Variants in RBFOX1 observed in about 807,000 individuals in gnomAD.
The protein encoded by RBFOX1 is RNA binding fox-1 homolog 1.
Under a neutral mutation model 57.7 loss-of-function variants are expected in RBFOX1, and 8 were observed. The ratio of observed to expected loss-of-function variants is 0.14; its 90% CI spans 0.08 to 0.25. RBFOX1 has a LOEUF of 0.25. RBFOX1 is among the 10% of genes least tolerant of loss of function. RBFOX1 has a pLI of 1.00. For missense variants in RBFOX1, 611 were observed against 548.5 expected (o/e 1.11, Z -1.14); for synonymous variants, 326 against 222.4 (o/e 1.47, Z -4.15).
chr16:7,417,944 C>G (rs572999380), intron 4 of RBFOX1, among the ~76,000 whole-genome samples: 48 of 152,204 alleles, frequency 3.2e-4, no homozygotes, highest in Admixed American at 4.6e-4. Flanking sequence ...CCTGTTGGCC[C>G]TAGTATGCAG....
rs1009245302 is a variant in RBFOX1, at chr16:5,592,079, T to C, written c.259-6823T>C. On this transcript the variant is annotated intron_variant, in intron 2 of 2. Coordinates refer to the RBFOX1 transcript ENST00000585867. ...ATTTCTTTTATTATGGTTGAAGTTT[T>C]AATTACAAGGATTATGGGGATTTCT... 3.3e-5 allele frequency among the ~76,000 whole-genome samples: 5 copies of C among 152,250 alleles called. No homozygotes were observed. The East Asian group carries it at 9.6e-4, about 29-fold the overall frequency.
chr16:6,191,129 GTTT>G (rs5815289), intron 1 of RBFOX1, among the ~76,000 whole-genome samples: 2 of 133,936 alleles, frequency 1.5e-5, no homozygotes, highest in Admixed American at 1.5e-4. Context: ...TGCGTCTGTG[GTTT>G]TTTTTTTTTT....
intron 2 of RBFOX1, among the ~76,000 whole-genome samples, chr16:6,605,486 C>A (rs1045925754): frequency 6.6e-6 from 1 of 152,096 alleles, no homozygotes; most frequent in Non-Finnish European, 1.5e-5. Flanking sequence ...GCAGTCTTAA[C>A]CCCCAAAGAG....
rs201246038 is a variant in RBFOX1, at chr16:5,657,701, T to C, written c.318+58740T>C. On this transcript the variant is annotated intron_variant, in intron 3 of 19. Transcript: ENST00000641259. Reference sequence around the variant, plus strand: ...TTTTCTTTCTTTCTTTCTTTCTCCTTCTGTCTTTCTCTCTTTCTTTTGTTT... The same window carrying C: ...TTTTCTTTCTTTCTTTCTTTCTCCTCCTGTCTTTCTCTCTTTCTTTTGTTT... Among the ~76,000 whole-genome samples the C allele has an allele frequency of 1.9e-3, 234 of 126,032 alleles. 2 individuals are homozygous for C. The highest frequency in any genetic ancestry group is 7.7e-3 in the African/African-American group (226 of 29,418). The allele number at this position is 126,032 out of a possible 152,430, so 82.7% of individuals were successfully genotyped here.
At chr16:6,448,152 C>CTTTTTTTTT (rs200249081) in intron 2 of RBFOX1, among the ~76,000 whole-genome samples, 3 of 92,580 alleles carry the variant, frequency 3.2e-5, no homozygotes, top group East Asian at 3.3e-4. Context: ...CTTTTCTTTT[C>CTTTTTTTTT]TTTCTTTTTT....
intron 4 of RBFOX1, among the ~76,000 whole-genome samples, chr16:7,359,207 G>C (rs1431081949): frequency 1.3e-5 from 2 of 152,140 alleles, no homozygotes; most frequent in Non-Finnish European, 2.9e-5. Flanking sequence ...CTGAGCCTTG[G>C]TTTCTAATCC....
intron 3 of RBFOX1, among the ~76,000 whole-genome samples, chr16:5,696,639 T>C (rs1170216311): frequency 3.3e-5 from 5 of 152,164 alleles, no homozygotes; most frequent in Non-Finnish European, 7.4e-5. Context: ...TAAAGATCAG[T>C]GTATTAAAAT....
At chr16:5,387,934 C>G (rs1163015780) in intron 1 of RBFOX1, among the ~76,000 whole-genome samples, 1 of 152,150 alleles carries the variant, frequency 6.6e-6, no homozygotes, top group Non-Finnish European at 1.5e-5. Flanking sequence ...GGGAGAGAAA[C>G]TCCGTGGTCT....
intron 3 of RBFOX1, among the ~76,000 whole-genome samples, chr16:6,676,386 G>C (rs1386097602): frequency 2.0e-5 from 3 of 152,112 alleles, no homozygotes; most frequent in African/African-American, 2.4e-5. Flanking sequence ...GCCTGCCCCA[G>C]TTGGGTCCTA....
In RBFOX1 at chr16:7,375,915, C is replaced by A. The variant is rs572274134; in HGVS notation, c.28-142232C>A. On this transcript the variant is annotated intron_variant, in intron 4 of 15. Coordinates refer to ENST00000550418, the MANE Select transcript of RBFOX1 (RefSeq NM_018723.4). ...CAAAGGGAAGACCTTGTGCCCACGT[C>A]CTGCCTTAAATGCGAAGTAAAGGGG... Among the ~76,000 whole-genome samples, 10 of 152,244 alleles carry A rather than the reference C, an allele frequency of 6.6e-5. No homozygotes were observed. In the South Asian group the frequency reaches 2.1e-3, roughly 32 times the overall value.
chr16:6,645,098 T>C (rs918474998), intron 2 of RBFOX1, among the ~76,000 whole-genome samples: 1 of 152,184 alleles, frequency 6.6e-6, no homozygotes, highest in African/African-American at 2.4e-5. Flanking sequence ...TCTGGTAGCT[T>C]AGTGTCACAT....
rs1567747539 is a variant in RBFOX1, at chr16:6,892,775, C to CTCTCTCT, written c.-15-159282_-15-159281insTCTCTCT. 1.5e-3 allele frequency among the ~76,000 whole-genome samples: 128 copies of CTCTCTCT among 84,726 alleles called. 14 individuals are homozygous for CTCTCTCT. Among genetic ancestry groups the CTCTCTCT allele is most frequent in the African/African-American group, 4.9e-3 (97 of 19,644 alleles). The allele number at this position is 84,726 out of a possible 152,430, so 55.6% of individuals were successfully genotyped here. A position where few individuals can be genotyped will look rare whatever the true frequency, so the allele number is the denominator to read the frequency against. ...CATATTCTCAAAGCCTCCCTGTCTCCCTCTCTCTCTCTCTCTCTCTCTCTC... is the reference window on the plus strand; with the variant it reads ...CATATTCTCAAAGCCTCCCTGTCTCCTCTCTCTCTCTCTCTCTCTCTCTCTCTCTCTC... On this transcript the variant is annotated intron_variant, in intron 3 of 15. Coordinates refer to ENST00000550418, the MANE Select transcript of RBFOX1 (RefSeq NM_018723.4).
chr16:5,953,176 A>G (rs1307800846), intron 4 of RBFOX1, among the ~76,000 whole-genome samples: 1 of 152,180 alleles, frequency 6.6e-6, no homozygotes, highest in Non-Finnish European at 1.5e-5. Flanking sequence ...TATTCAGTTA[A>G]GACCAAGTGC....
At chr16:6,317,298 TA>T (rs1264974724) in intron 2 of RBFOX1, among the ~76,000 whole-genome samples, 8 of 152,184 alleles carry the variant, frequency 5.3e-5, no homozygotes, top group African/African-American at 1.9e-4. Flanking sequence ...ATCAATGAGT[TA>T]ACTGCGCCTT....
intron 5 of RBFOX1, among the ~76,000 whole-genome samples, chr16:7,545,529 G>A (rs184622587): frequency 1.1e-3 from 173 of 152,196 alleles, no homozygotes; most frequent in African/African-American, 4.1e-3. Flanking sequence ...GTTAATAGGC[G>A]CCAGACAGGA....
At chr16:5,353,800 T>C (rs938500018) in intron 1 of RBFOX1, among the ~76,000 whole-genome samples, 1 of 151,558 alleles carries the variant, frequency 6.6e-6, no homozygotes, top group African/African-American at 2.4e-5. Context: ...GGGGCTACTG[T>C]GCGCTTGCTC....
intron 2 of RBFOX1, among the ~76,000 whole-genome samples, chr16:5,486,070 T>A (rs551204135): frequency 1.3e-4 from 20 of 152,180 alleles, no homozygotes; most frequent in Non-Finnish European, 2.8e-4. Flanking sequence ...TGACAATTCT[T>A]TTCTCTCCCC....
chr16:5,376,057 A>G (rs540947038), intron 1 of RBFOX1, among the ~76,000 whole-genome samples: 43 of 151,976 alleles, frequency 2.8e-4, no homozygotes, highest in Middle Eastern at 3.4e-3. Flanking sequence ...AGTTCTAGCT[A>G]CTTGGGAGGC....
At chr16:6,939,757 C>T (rs924357047) in intron 3 of RBFOX1, among the ~76,000 whole-genome samples, 1 of 152,108 alleles carries the variant, frequency 6.6e-6, no homozygotes, top group African/African-American at 2.4e-5. Flanking sequence ...AATGATCAGC[C>T]TGCCTTGGCC....
Sources: allele counts gnomAD v4.1 joint callset (sites outside exome capture counted in the v4.1 genomes callset), GRCh38; gene constraint gnomAD v4.1.1; transcripts MANE v1.5; gene names NCBI Gene and HGNC (gene_info 2026-07-23, HGNC 2026-07-21).